The following GPALPP1 variants were observed in gnomAD, a reference collection of about 807,000 sequenced individuals.
The protein encoded by GPALPP1 is GPALPP motifs-containing protein 1.
A neutral mutation model predicts 38.9 loss-of-function variants in GPALPP1; 30 were observed. The ratio of observed to expected loss-of-function variants is 0.77; its 90% CI spans 0.58 to 1.05. GPALPP1 has a LOEUF of 1.05. Ranked by LOEUF, GPALPP1 falls within the 50% of genes least tolerant of loss-of-function variation. The pLI is 0.00. For missense variants in GPALPP1, 384 were observed against 408.8 expected (o/e 0.94, Z 0.52); for synonymous variants, 120 against 139.2 (o/e 0.86, Z 0.97).
intron 1 of GPALPP1, among the ~76,000 whole-genome samples, chr13:44,994,493 A>C (rs1357481132): frequency 1.3e-5 from 2 of 151,936 alleles, no homozygotes; most frequent in Non-Finnish European, 2.9e-5. Context: ...GAGGCAGGAG[A>C]ATTGAATTAC....
Position 44,989,749 on chromosome 13 carries a change from G to A in GPALPP1, c.88+7G>A, listed in dbSNP as rs766333684. On this transcript the variant is annotated splice_region_variant and intron_variant, in intron 1 of 7. Transcript: ENST00000379151. Reference sequence around the variant, plus strand: ...GAGCGGGACCCGAGCCCTGGTAAGCGGCGGCGTCTCCGCTGCCCACCAGGC... The same window carrying A: ...GAGCGGGACCCGAGCCCTGGTAAGCAGCGGCGTCTCCGCTGCCCACCAGGC... 3 of 1,602,514 alleles carry A rather than the reference G, an allele frequency of 1.9e-6. No homozygotes were observed. The highest frequency in any genetic ancestry group is 2.6e-6 in the Non-Finnish European group (3 of 1,176,012).
chr13:45,018,913 A>G (rs1053673957), intron 6 of GPALPP1, among the ~76,000 whole-genome samples: 2 of 146,032 alleles, frequency 1.4e-5, no homozygotes, highest in South Asian at 2.1e-4. Flanking sequence ...ATATAAATAT[A>G]TACATATAAA....
At chr13:45,019,690 T>C (rs1213513581) in intron 6 of GPALPP1, among the ~76,000 whole-genome samples, 1 of 151,588 alleles carries the variant, frequency 6.6e-6, no homozygotes, top group Non-Finnish European at 1.5e-5. Context: ...TTATTATTTT[T>C]GAAAACAGTA....
At chr13:45,034,256 G>C (rs987654790), downstream of GPALPP1, 7 of 152,188 alleles carry the variant, frequency 4.6e-5, no homozygotes, top group South Asian at 1.4e-3. Flanking sequence ...GTCCCTTATA[G>C]GGTATTCACA....
intron 1 of GPALPP1, among the ~76,000 whole-genome samples, chr13:44,997,734 C>T (rs1261026513): frequency 1.3e-5 from 2 of 152,160 alleles, no homozygotes; most frequent in Non-Finnish European, 2.9e-5. Flanking sequence ...GTGCTTACAT[C>T]CCTACTCCTG....
At chr13:45,003,311 C>T (rs973577952) in intron 1 of GPALPP1, among the ~76,000 whole-genome samples, 19 of 152,120 alleles carry the variant, frequency 1.2e-4, no homozygotes, top group African/African-American at 4.6e-4. Flanking sequence ...CACCTAAGAA[C>T]TCAAACCATG....
chr13:45,010,968 G>A (rs1373211090), intron 4 of GPALPP1, among the ~76,000 whole-genome samples: 3 of 152,116 alleles, frequency 2.0e-5, no homozygotes, highest in Non-Finnish European at 4.4e-5. Flanking sequence ...GGGTGACAGA[G>A]CGAGACCCTG....
Position 45,008,899 on chromosome 13 carries a change from A to C in GPALPP1, c.408+20A>C, listed in dbSNP as rs367555107. ...CAACAGGTATCATCATCCCATTTCA[A>C]CTCTAAGGTTTGGAAAGTTTTCATT... is the stretch of plus-strand genomic sequence containing the variant. On this transcript the variant is annotated intron_variant, in intron 4 of 7. Coordinates refer to ENST00000379151, the MANE Select transcript of GPALPP1 (RefSeq NM_018559.5). 3.2e-5 allele frequency: 44 copies of C among 1,387,910 alleles called. No individual in the cohort carries two copies. The African/African-American group carries it at 6.2e-4, about 20-fold the overall frequency. The allele number at this position is 1,387,910 out of a possible 1,614,324, so 86.0% of individuals were successfully genotyped here.
Position 45,027,793 on chromosome 13 carries a change from A to G in GPALPP1, c.813A>G (p.Lys271=). The G allele has an allele frequency of 6.6e-7, 1 of 1,511,214 alleles. No individual in the cohort carries two copies. 93.6% of individuals were successfully genotyped at this position (1,511,214 alleles called of 1,614,324 possible). A position where few individuals can be genotyped will look rare whatever the true frequency, so the allele number is the denominator to read the frequency against. Residue 271 remains lysine, a synonymous_variant, in exon 8 of 8, where the codon AAA becomes AAG. Transcript: ENST00000379151. ...TCTCCTGCTCTCTCCAGGAATCAAAAAGATCAGAATCTCTTATGGACATAC... is the reference window on the plus strand; with the variant it reads ...TCTCCTGCTCTCTCCAGGAATCAAAGAGATCAGAATCTCTTATGGACATAC... ...AEQVSSYNES[K]RSESLMDIHH... is the part of the protein sequence containing the mutation.
chr13:45,032,472 C>T (rs890325596), downstream of GPALPP1, among the ~76,000 whole-genome samples: 2 of 151,894 alleles, frequency 1.3e-5, no homozygotes, highest in Non-Finnish European at 2.9e-5. Flanking sequence ...GTGGCGTGAT[C>T]TCGGCTCACT....
Position 45,029,669 on chromosome 13 carries a change from GT to G in GPALPP1, c.*1672del, listed in dbSNP as rs1437694596. ...TAAATCCATGACTTTGAAATTTGTT[GT>G]TTTTTCCCTTTAAACTGCAGCCAGT... On this transcript the variant is annotated 3_prime_UTR_variant, in exon 8 of 8. Transcript: ENST00000379151. 6.6e-6 allele frequency: 1 copy of G among 152,084 alleles called. No individual in the cohort carries two copies. The highest frequency in any genetic ancestry group is 1.5e-5 in the Non-Finnish European group (1 of 68,010). 9.4% of individuals were successfully genotyped at this position (152,084 alleles called of 1,614,324 possible). A position where few individuals can be genotyped will look rare whatever the true frequency, so the allele number is the denominator to read the frequency against.
chr13:44,995,460 G>A (rs1478584126), intron 1 of GPALPP1, among the ~76,000 whole-genome samples: 1 of 151,834 alleles, frequency 6.6e-6, no homozygotes, highest in Admixed American at 6.6e-5. Context: ...GATTCCCAGT[G>A]AGAGTTCCTA....
Position 45,015,569 on chromosome 13 carries a change from TC to T in GPALPP1, c.680del (p.Pro227GlnfsTer58). ...SGDRSIWTDTPADRERKAKET... is the reference protein window; with the variant it reads ...SGDRSIWTDTXADRERKAKET... ...GAGATCGATCAATCTGGACAGATACTCCAGCTGATAGGGAAAGGAAAGCTAA... is the reference window on the plus strand; with the variant it reads ...GAGATCGATCAATCTGGACAGATACTCAGCTGATAGGGAAAGGAAAGCTAA... On this transcript the variant is annotated frameshift_variant, in exon 6 of 8. Transcript: ENST00000379151. LOFTEE classifies it high-confidence loss of function. 1 of 1,563,212 alleles carries T rather than the reference TC, an allele frequency of 6.4e-7. No individual in the cohort carries two copies. The highest frequency in any genetic ancestry group is 1.2e-5 in the South Asian group (1 of 82,176).
Position 45,000,969 on chromosome 13 carries a change from G to T in GPALPP1, c.89-3336G>T, listed in dbSNP as rs111738698. 6.1e-3 allele frequency among the ~76,000 whole-genome samples: 926 copies of T among 152,200 alleles called. 12 individuals carry two copies. The highest frequency in any genetic ancestry group is 0.021 in the African/African-American group (880 of 41,526). ...AGATAGGAAAAATTTTTTTGAAATAGGCCAATGATTCCAAAACTAGCCTTA... is the reference window on the plus strand; with the variant it reads ...AGATAGGAAAAATTTTTTTGAAATATGCCAATGATTCCAAAACTAGCCTTA... On this transcript the variant is annotated intron_variant, in intron 1 of 7. Coordinates refer to ENST00000379151, the MANE Select transcript of GPALPP1 (RefSeq NM_018559.5).
intron 4 of GPALPP1, among the ~76,000 whole-genome samples, chr13:45,010,756 G>T (rs1057463387): frequency 6.6e-6 from 1 of 152,222 alleles, no homozygotes; most frequent in East Asian, 1.9e-4. Context: ...GGCCAAGGCG[G>T]GTGGGTTGCT....
chr13:45,020,376 A>T lies in GPALPP1; in HGVS notation c.752A>T (p.His251Leu). ...RKSSSKKDEEHILSGRDKRLA... is the reference protein window; with the variant it reads ...RKSSSKKDEELILSGRDKRLA... ...TCATCCAGTAAGAAAGATGAAGAAC[A>T]TATATTATCAGGAAGAGATAAGAGA... Residue 251 changes from histidine (H) to leucine (L), a missense_variant, in exon 7 of 8, where the codon CAT becomes CTT. Transcript: ENST00000379151. 1 of 1,550,246 alleles carries T rather than the reference A, an allele frequency of 6.5e-7. No homozygotes were observed. The highest frequency in any genetic ancestry group is 8.9e-7 in the Non-Finnish European group (1 of 1,122,720).
chr13:45,013,154 T>G (rs1874598032), intron 4 of GPALPP1, among the ~76,000 whole-genome samples: 1 of 152,202 alleles, frequency 6.6e-6, no homozygotes, highest in Non-Finnish European at 1.5e-5. Context: ...CCAGGCTTGA[T>G]TAATTCCTTC....
At chr13:45,006,888 C>A (rs1025218633) in intron 3 of GPALPP1, among the ~76,000 whole-genome samples, 3 of 151,838 alleles carry the variant, frequency 2.0e-5, no homozygotes, top group African/African-American at 4.8e-5. Flanking sequence ...AATATTTATT[C>A]CTGTCTTCTT....
At chr13:45,012,226 G>A (rs1366401075) in intron 4 of GPALPP1, among the ~76,000 whole-genome samples, 1 of 152,104 alleles carries the variant, frequency 6.6e-6, no homozygotes, top group Non-Finnish European at 1.5e-5. Flanking sequence ...GGAGGACAAG[G>A]GGACTAGAGG....
Sources: allele counts gnomAD v4.1 joint callset (sites outside exome capture counted in the v4.1 genomes callset), GRCh38; gene constraint gnomAD v4.1.1; transcripts MANE v1.5; gene names NCBI Gene and HGNC (gene_info 2026-07-23, HGNC 2026-07-21).